Variants in HNF4A observed in about 807,000 individuals in gnomAD.
HNF4A encodes hepatocyte nuclear factor 4-alpha.
Under a neutral mutation model 52.4 loss-of-function variants are expected in HNF4A, and 15 were observed. That is an observed-to-expected ratio of 0.29 (90% confidence interval 0.19 to 0.44). The LOEUF is 0.44. HNF4A is among the 20% of genes least tolerant of loss of function. HNF4A has a pLI of 1.00. For synonymous variants in HNF4A, 280 were observed against 264.4 expected (o/e 1.06, Z -0.57); for missense variants, 479 against 647.2 (o/e 0.74, Z 2.82).
Position 44,401,239 on chromosome 20 carries a change from A to G in HNF4A, c.-134A>G. On this transcript the variant is annotated 5_prime_UTR_variant, in exon 1 of 10. Coordinates refer to ENST00000316099, the MANE Select transcript of HNF4A (RefSeq NM_000457.6). ...CAGAGGCTAGGCCAAGACTCCCAGC[A>G]GATCTTCCCAGAGGACGGTTTGAAA... 1 of 1,546,058 alleles carries G rather than the reference A, an allele frequency of 6.5e-7. No homozygotes were observed. The highest frequency in any genetic ancestry group is 1.2e-5 in the South Asian group (1 of 84,080).
chr20:44,403,342 A>G (rs2063437057), intron 1 of HNF4A, among the ~76,000 whole-genome samples: 1 of 152,142 alleles, frequency 6.6e-6, no homozygotes, highest in Admixed American at 6.5e-5. Context: ...TTCCTCACCT[A>G]TAAAATGGGA....
intron 1 of HNF4A, among the ~76,000 whole-genome samples, chr20:44,387,824 T>C (rs2063249449): frequency 6.6e-6 from 1 of 151,968 alleles, no homozygotes; most frequent in Non-Finnish European, 1.5e-5. Context: ...ATCTAGATTC[T>C]GTTTGGAGGG....
rs1449342041 is a variant in HNF4A, at chr20:44,410,202, C to T, written c.385+2727C>T. Among the ~76,000 whole-genome samples, 4 of 152,322 alleles carry T rather than the reference C, an allele frequency of 2.6e-5. No individual in the cohort carries two copies. In the South Asian group the frequency reaches 8.3e-4, roughly 32 times the overall value. On this transcript the variant is annotated intron_variant, in intron 3 of 9. Coordinates refer to ENST00000316099, the MANE Select transcript of HNF4A (RefSeq NM_000457.6). The stretch of plus-strand genomic sequence containing the variant: ...TAGGCTCCTGGAAGGGGGATGAGAG[C>T]CCCAGACCATTCAGCCTTAGCTCAG...
At chr20:44,401,179 C>T (rs1397557523), upstream of HNF4A, 19 of 1,468,270 alleles carry the variant, frequency 1.3e-5, no homozygotes, top group Non-Finnish European at 1.7e-5. Flanking sequence ...AACCATTAAC[C>T]CCCACCCCTC....
At chr20:44,387,832 G>C (rs1391390012) in intron 1 of HNF4A, among the ~76,000 whole-genome samples, 1 of 152,142 alleles carries the variant, frequency 6.6e-6, no homozygotes, top group African/African-American at 2.4e-5. Context: ...TCTGTTTGGA[G>C]GGTGGCAAGA....
Position 44,424,028 on chromosome 20 carries a change from G to C in HNF4A, c.903G>C (p.Gly301=). 1 of 1,613,042 alleles carries C rather than the reference G, an allele frequency of 6.2e-7. No homozygotes were observed. Among genetic ancestry groups the C allele is most frequent in the Non-Finnish European group, 8.5e-7 (1 of 1,179,932 alleles). ...CCTCTTCCATTGTAGATGCCAAGGG[G>C]CTGAGCGATCCAGGGAAGATCAAGC... The change falls in exon 8 of 10, where the codon GGG becomes GGC. Residue 301 remains glycine, a synonymous_variant. Transcript: ENST00000316099.
chr20:44,359,917 C>G (rs1288143615), intron 1 of HNF4A, among the ~76,000 whole-genome samples: 1 of 152,160 alleles, frequency 6.6e-6, no homozygotes, highest in African/African-American at 2.4e-5. Flanking sequence ...CTGAGTAACT[C>G]TGAGGATGAG....
At chr20:44,377,202 A>G (rs749854528) in intron 1 of HNF4A, among the ~76,000 whole-genome samples, 5 of 152,170 alleles carry the variant, frequency 3.3e-5, no homozygotes, top group Admixed American at 6.5e-5. Flanking sequence ...TTCAAATAAC[A>G]TATGTTCTCA....
At chr20:44,394,663 G>A (rs2146317192) in intron 1 of HNF4A, among the ~76,000 whole-genome samples, 1 of 152,300 alleles carries the variant, frequency 6.6e-6, no homozygotes, top group Non-Finnish European at 1.5e-5. Context: ...AGCACAGGGG[G>A]AACAAGCAGA....
chr20:44,379,153 T>C (rs2063121985), intron 1 of HNF4A, among the ~76,000 whole-genome samples: 1 of 152,152 alleles, frequency 6.6e-6, no homozygotes, highest in Admixed American at 6.5e-5. Flanking sequence ...CTGAATAATA[T>C]TCCATTGTAT....
chr20:44,429,420 A>C, intron 9 of HNF4A, 103 bp from the exon 10 acceptor site: 1 of 1,225,934 alleles, frequency 8.2e-7, no homozygotes, highest in Non-Finnish European at 1.2e-6. Context: ...AATTAAGTCA[A>C]GGTGGGGCAG....
intron 5 of HNF4A, among the ~76,000 whole-genome samples, chr20:44,415,061 A>C (rs2063644331): frequency 6.6e-6 from 1 of 152,212 alleles, no homozygotes; most frequent in South Asian, 2.1e-4. Context: ...ACCCTAGGAC[A>C]GGGATCAGGA....
intron 1 of HNF4A, among the ~76,000 whole-genome samples, chr20:44,356,611 C>T (rs2062861370): frequency 6.6e-6 from 1 of 152,118 alleles, no homozygotes; most frequent in African/African-American, 2.4e-5. Context: ...TAAGTGAAAA[C>T]GGTACACTGA....
rs970741006 is a variant in HNF4A at position 44,358,130 on chromosome 20, TA to T, written c.49+2289del. Among the ~76,000 whole-genome samples, 160 of 129,498 alleles carry T rather than the reference TA, an allele frequency of 1.2e-3. 1 individual carries two copies. The South Asian group carries it at 0.021, about 17-fold the overall frequency. 85.0% of individuals were successfully genotyped at this position (129,498 alleles called of 152,430 possible). On this transcript the variant is annotated intron_variant, in intron 1 of 9. Transcript: ENST00000316673. ...GTTAGCATCCTAGATCTACCTTATT[TA>T]AAAAAAAAAAACAAAACAAAAAACT...
chr20:44,412,816 A>G (rs1417270682), intron 3 of HNF4A, among the ~76,000 whole-genome samples: 1 of 152,156 alleles, frequency 6.6e-6, no homozygotes, highest in African/African-American at 2.4e-5. Flanking sequence ...GAGACGAGAA[A>G]GAGTGCAGGG....
At chr20:44,408,056 T>TGAGCACAAC (rs1461410433) in intron 3 of HNF4A, 47 of 169,232 alleles carry the variant, frequency 2.8e-4, no homozygotes, top group Middle Eastern at 2.1e-3. Context: ...CAACATTTAT[T>TGAGCACAAC]AAGGTCTTGC....
intron 1 of HNF4A, among the ~76,000 whole-genome samples, chr20:44,368,160 A>ATATATATATTTTT (rs1200638153): frequency 3.6e-5 from 1 of 27,778 alleles, no homozygotes; most frequent in Non-Finnish European, 6.0e-5. Context: ...ATATATATAT[A>ATATATATATTTTT]TTTTTTTTTT....
At chr20:44,423,314 T>C (rs969670952) in intron 7 of HNF4A, among the ~76,000 whole-genome samples, 1 of 151,844 alleles carries the variant, frequency 6.6e-6, no homozygotes, top group Admixed American at 6.6e-5. Flanking sequence ...AGACTCAGTC[T>C]CAAAATAAAA....
At position 44,425,151 on chromosome 20, in the gene HNF4A, T is replaced by C. The variant is rs533142654; in HGVS notation, c.1129+897T>C. The stretch of plus-strand genomic sequence containing the variant: ...CGCCCGCCACCACGCCCTGCTCATT[T>C]TTTTATATTTTTAGTAAAGACAGGG... On this transcript the variant is annotated intron_variant, in intron 8 of 9. Coordinates refer to ENST00000316099, the MANE Select transcript of HNF4A (RefSeq NM_000457.6). 2.6e-5 allele frequency among the ~76,000 whole-genome samples: 4 copies of C among 152,264 alleles called. No individual in the cohort carries two copies. In the South Asian group the frequency reaches 8.3e-4, roughly 32 times the overall value.
Sources: allele counts gnomAD v4.1 joint callset (sites outside exome capture counted in the v4.1 genomes callset), GRCh38; gene constraint gnomAD v4.1.1; transcripts MANE v1.5; gene names NCBI Gene and HGNC (gene_info 2026-07-23, HGNC 2026-07-21).